DERPC: variants seen among roughly 807,000 people sequenced by gnomAD.
DERPC encodes DERPC proline and glycine rich nuclear protein.
DERPC carries 1 observed loss-of-function variant against 7.2 expected under a neutral mutation model. The observed-to-expected ratio is 0.14, with a 90% CI of 0.05 to 0.66. The LOEUF (loss-of-function observed/expected upper bound fraction) is 0.66, where lower values mean the gene tolerates loss of function less well. Among genes scored for constraint, DERPC ranks in the 30% least tolerant of loss-of-function variants. The pLI, the probability that DERPC is intolerant of heterozygous loss-of-function variation, is 0.84. For synonymous variants in DERPC, 185 were observed against 117.6 expected, an observed-to-expected ratio of 1.57 and a Z score of -3.71; for missense variants, 502 against 299.4, an observed-to-expected ratio of 1.68 and a Z score of -4.99.
At chr16:69,126,788 T>C (rs935103167) in intron 1 of DERPC, among the ~76,000 whole-genome samples, 2 of 152,188 alleles carry the variant, frequency 1.3e-5, no homozygotes, top group African/African-American at 4.8e-5. Flanking sequence ...CCTTAAAATA[T>C]CCTGTAACAC....
Position 69,119,396 on chromosome 16 carries a change from A to C in DERPC, c.1033T>G (p.Ser345Ala), listed in dbSNP as rs751142746. ...CCAACTGGCCTTGAGAAATGAGCTG[A>C]ATTAGGGCCTATGGGGCCAGGAGCC... ...SRAPGPIGPNSAHFSRPVGPM... is the reference protein window; with the variant it reads ...SRAPGPIGPNAAHFSRPVGPM... Residue 345 changes from serine to alanine, a missense_variant, in exon 3 of 3, where the codon TCA becomes GCA. Coordinates refer to ENST00000519520, the MANE Select transcript of DERPC (RefSeq NM_001002847.4). The C allele has an allele frequency of 1.4e-6, 1 of 702,596 alleles. No homozygotes were observed. The highest frequency in any genetic ancestry group is 1.7e-5 in the African/African-American group (1 of 57,170). 43.5% of individuals were successfully genotyped at this position (702,596 alleles called of 1,614,324 possible). A position where few individuals can be genotyped will look rare whatever the true frequency, so the allele number is the denominator to read the frequency against.
intron 1 of DERPC, among the ~76,000 whole-genome samples, chr16:69,123,281 A>G (rs184193416): frequency 3.3e-5 from 5 of 152,162 alleles, no homozygotes; most frequent in Admixed American, 3.3e-4. Flanking sequence ...GTTTCTTAAG[A>G]TTTTACTTTT....
intron 1 of DERPC, among the ~76,000 whole-genome samples, chr16:69,129,188 T>C (rs1017531230): frequency 2.6e-5 from 4 of 151,996 alleles, no homozygotes; most frequent in African/African-American, 7.2e-5. Flanking sequence ...CCCAGCACTT[T>C]GGGAGGCCGA....
chr16:69,130,124 A>T (rs1385021583), intron 1 of DERPC, among the ~76,000 whole-genome samples: 1 of 152,248 alleles, frequency 6.6e-6, no homozygotes, highest in African/African-American at 2.4e-5. Context: ...ACTGTCTTAC[A>T]GAGAACAGAA....
At chr16:69,128,996 G>A (rs191711455) in intron 1 of DERPC, among the ~76,000 whole-genome samples, 53 of 151,734 alleles carry the variant, frequency 3.5e-4, no homozygotes, top group African/African-American at 1.2e-3. Context: ...CCTGGGAGGC[G>A]GTAGTTACAG....
In DERPC at chr16:69,118,169, A is replaced by AAT; in HGVS notation, c.*684_*685insAT. The AAT allele has an allele frequency of 3.4e-6, 2 of 581,064 alleles. No homozygotes were observed. The highest frequency in any genetic ancestry group is 6.1e-6 in the Non-Finnish European group (2 of 326,112). 36.0% of individuals were successfully genotyped at this position (581,064 alleles called of 1,614,324 possible). On this transcript the variant is annotated 3_prime_UTR_variant, in exon 3 of 3. Coordinates refer to ENST00000519520, the MANE Select transcript of DERPC (RefSeq NM_001002847.4). ...CATATTCCCATCCACATCAGTTTAA[A>AAT]TTTTGAGGTTCTTTGATTGATTGGG...
At chr16:69,121,603 G>T in intron 1 of DERPC, 110 bp from the exon 2 acceptor site, 1 of 620,464 alleles carries the variant, frequency 1.6e-6, no homozygotes, top group Non-Finnish European at 2.8e-6. Context: ...TCAGCCTCCC[G>T]AGTAGCTGGG....
chr16:69,123,947 A>C (rs1961873803), intron 1 of DERPC, among the ~76,000 whole-genome samples: 1 of 147,640 alleles, frequency 6.8e-6, no homozygotes, highest in Admixed American at 6.7e-5. Context: ...AAAAAAAAAA[A>C]CAAAAAATTA....
At chr16:69,122,730 C>A (rs1006949396) in intron 1 of DERPC, among the ~76,000 whole-genome samples, 1 of 151,920 alleles carries the variant, frequency 6.6e-6, no homozygotes, top group Non-Finnish European at 1.5e-5. Flanking sequence ...TTAGTAGAGA[C>A]GAGGTTTCTT....
At chr16:69,124,404 C>T (rs1393814193) in intron 1 of DERPC, among the ~76,000 whole-genome samples, 6 of 152,008 alleles carry the variant, frequency 3.9e-5, no homozygotes, top group African/African-American at 9.7e-5. Context: ...AGCAAACACC[C>T]GATTAAAATG....
In DERPC at chr16:69,118,171, T is replaced by C; in HGVS notation, c.*683A>G. On this transcript the variant is annotated 3_prime_UTR_variant, in exon 3 of 3. Transcript: ENST00000519520. ...TATTCCCATCCACATCAGTTTAAAT[T>C]TTGAGGTTCTTTGATTGATTGGGAG... is the stretch of plus-strand genomic sequence containing the variant. The C allele has an allele frequency of 2.0e-6, 1 of 504,058 alleles. No homozygotes were observed. Among genetic ancestry groups the C allele is most frequent in the East Asian group, 3.5e-5 (1 of 28,774 alleles). 31.2% of individuals were successfully genotyped at this position (504,058 alleles called of 1,614,324 possible). A position where few individuals can be genotyped will look rare whatever the true frequency, so the allele number is the denominator to read the frequency against.
At chr16:69,125,832 TC>T (rs1195508709) in intron 1 of DERPC, among the ~76,000 whole-genome samples, 1 of 152,196 alleles carries the variant, frequency 6.6e-6, no homozygotes, top group African/African-American at 2.4e-5. Context: ...TACTGTGTAG[TC>T]AAGAACAAGT....
rs761452127 is a variant in DERPC at position 69,118,563 on chromosome 16, T to TAAGAA, written c.*286_*290dup. ...CCACAAGAACAATTCAAGAAACTAGTAAGAAACAATGGGCAGAAAGCTGTG... is the reference window on the plus strand; with the variant it reads ...CCACAAGAACAATTCAAGAAACTAGTAAGAAAAGAAACAATGGGCAGAAAGCTGTG... On this transcript the variant is annotated 3_prime_UTR_variant, in exon 3 of 3. Coordinates refer to ENST00000519520, the MANE Select transcript of DERPC (RefSeq NM_001002847.4). The TAAGAA allele has an allele frequency of 6.4e-6, 5 of 779,752 alleles. No homozygotes were observed. The East Asian group carries it at 1.3e-4, about 20-fold the overall frequency. The allele number at this position is 779,752 out of a possible 1,614,324, so 48.3% of individuals were successfully genotyped here.
chr16:69,129,506 T>C (rs1962342445), intron 1 of DERPC, among the ~76,000 whole-genome samples: 1 of 151,950 alleles, frequency 6.6e-6, no homozygotes, highest in Non-Finnish European at 1.5e-5. Context: ...AAGGCTTCAT[T>C]TCTCACAAGC....
intron 2 of DERPC, 164 bp downstream of exon 2, chr16:69,121,272 T>C: frequency 7.6e-7 from 1 of 1,315,572 alleles, no homozygotes; most frequent in Admixed American, 2.0e-5. Flanking sequence ...TTGTTGGATG[T>C]CAAGTTCTTG....
chr16:69,123,925 TAAAAAAAAAAA>T (rs757493986), intron 1 of DERPC, among the ~76,000 whole-genome samples: 1 of 76,962 alleles, frequency 1.3e-5, no homozygotes, highest in Non-Finnish European at 2.5e-5. Flanking sequence ...CCATCTCTAC[TAAAAAAAAAAA>T]AAAAAAAAAA....
intron 1 of DERPC, among the ~76,000 whole-genome samples, chr16:69,124,190 G>A (rs904165279): frequency 3.9e-5 from 6 of 151,998 alleles, no homozygotes; most frequent in Admixed American, 1.3e-4. Context: ...TACTTTGTAA[G>A]AACTGGACAT....
At position 69,119,264 on chromosome 16, in the gene DERPC, C is replaced by A. The variant is rs768807913; in HGVS notation, c.1165G>T (p.Ala389Ser). The change falls in exon 3 of 3, where the codon GCT becomes TCT. Residue 389 changes from alanine to serine, a missense_variant. Ala to Ser is a moderately conservative substitution (Grantham distance 99). Coordinates refer to ENST00000519520, the MANE Select transcript of DERPC (RefSeq NM_001002847.4). Reference sequence around the variant, plus strand: ...GTTGGATTTGAGCCCTGGAGGCCAGCGGACCTTTGGAAGGTAGCTGGGTTT... The same window carrying A: ...GTTGGATTTGAGCCCTGGAGGCCAGAGGACCTTTGGAAGGTAGCTGGGTTT... ...ASNPATFQRS[A>S]GLQGSNPTIF... 1 of 703,018 alleles carries A rather than the reference C, an allele frequency of 1.4e-6. No homozygotes were observed. Among genetic ancestry groups the A allele is most frequent in the South Asian group, 1.5e-5 (1 of 67,584 alleles). The allele number at this position is 703,018 out of a possible 1,614,324, so 43.5% of individuals were successfully genotyped here. A position where few individuals can be genotyped will look rare whatever the true frequency, so the allele number is the denominator to read the frequency against.
Position 69,120,783 on chromosome 16 carries a change from C to T in DERPC, c.-221-134G>A, listed in dbSNP as rs991900699. On this transcript the variant is annotated intron_variant, in intron 2 of 2. Coordinates refer to ENST00000519520, the MANE Select transcript of DERPC (RefSeq NM_001002847.4). This position sits in a 1 kb window ranked among gnomAD's most constrained non-coding sequence, Gnocchi z 4.0. ...GTCTGGCTCTGCCATTGTTGAGCAG[C>T]CACACTGGACCACCCACCCATGTGC... 5 of 762,036 alleles carry T rather than the reference C, an allele frequency of 6.6e-6. No individual in the cohort carries two copies. Among genetic ancestry groups the T allele is most frequent in the Non-Finnish European group, 1.1e-5 (5 of 454,110 alleles). 47.2% of individuals were successfully genotyped at this position (762,036 alleles called of 1,614,324 possible). A position where few individuals can be genotyped will look rare whatever the true frequency, so the allele number is the denominator to read the frequency against.
Sources: gnomAD v4.1 joint callset for allele counts (sites outside exome capture counted in the v4.1 genomes callset) on GRCh38, gnomAD v4.1.1 for gene constraint, Gnocchi (gnomAD v3.1) non-coding constraint, MANE v1.5 for transcripts, NCBI Gene and HGNC (gene_info 2026-07-23, HGNC 2026-07-21) for gene names.